Variants in SLC9A1 observed in about 807,000 individuals in gnomAD.
SLC9A1 encodes sodium/hydrogen exchanger 1.
SLC9A1 carries 22 observed loss-of-function variants against 67.9 expected under a neutral mutation model. The observed-to-expected ratio is 0.32, with a 90% CI of 0.23 to 0.46. SLC9A1 has a LOEUF of 0.46. Among genes scored for constraint, SLC9A1 ranks in the 20% least tolerant of loss-of-function variants. The pLI, the probability that SLC9A1 is intolerant of heterozygous loss-of-function variation, is 1.00. For synonymous variants in SLC9A1, 421 were observed against 471.8 expected (o/e 0.89, Z 1.40); for missense variants, 686 against 1,094.8 (o/e 0.63, Z 5.27).
At chr1:27,153,904 C>G in intron 1 of SLC9A1, 79 bp downstream of exon 1, 1 of 934,680 alleles carries the variant, frequency 1.1e-6, no homozygotes, top group Non-Finnish European at 1.6e-6. Context: ...TACTCCTGGA[C>G]AGCCTCAAAT....
At chr1:27,130,761 G>T (rs1279860420) in intron 1 of SLC9A1, among the ~76,000 whole-genome samples, 1 of 152,160 alleles carries the variant, frequency 6.6e-6, no homozygotes, top group Non-Finnish European at 1.5e-5. Flanking sequence ...ATGACACACA[G>T]CCAGGAAACA....
intron 1 of SLC9A1, among the ~76,000 whole-genome samples, chr1:27,117,901 G>A (rs563719498): frequency 7.9e-5 from 12 of 152,210 alleles, no homozygotes; most frequent in Admixed American, 4.6e-4. Flanking sequence ...GAACATTGAG[G>A]TGACTCAGAC....
At chr1:27,119,896 T>A (rs2124165617) in intron 1 of SLC9A1, among the ~76,000 whole-genome samples, 1 of 152,264 alleles carries the variant, frequency 6.6e-6, no homozygotes, top group South Asian at 2.1e-4. Flanking sequence ...CCAGGAAGTC[T>A]CCCACTGCTT....
At chr1:27,129,254 C>T (rs1250573987) in intron 1 of SLC9A1, among the ~76,000 whole-genome samples, 1 of 152,178 alleles carries the variant, frequency 6.6e-6, no homozygotes, top group Non-Finnish European at 1.5e-5. Context: ...GTCTCCCATA[C>T]ACTTCTGATA....
intron 1 of SLC9A1, among the ~76,000 whole-genome samples, chr1:27,115,498 G>T (rs2083258399): frequency 1.3e-5 from 2 of 152,142 alleles, no homozygotes; most frequent in Admixed American, 6.5e-5. Context: ...AGCCAAGAGG[G>T]TTTGTCCCTT....
intron 1 of SLC9A1, among the ~76,000 whole-genome samples, chr1:27,124,032 G>C (rs146182496): frequency 2.6e-5 from 4 of 152,134 alleles, no homozygotes; most frequent in Admixed American, 6.5e-5. Flanking sequence ...TCCTTTCCCA[G>C]TGTCCCGGAT....
rs149058308 is a variant in SLC9A1, at chr1:27,111,271, C to T, written c.814-1494G>A. Among the ~76,000 whole-genome samples the T allele has an allele frequency of 1.5e-3, 221 of 152,172 alleles. 1 individual carries two copies. The highest frequency in any genetic ancestry group is 4.8e-3 in the African/African-American group (201 of 41,498). ...GGTCTACCACATGGGCCCATGGAGTCGGCACAGAGGGGAAAGTCCTCCTTT... is the reference window on the plus strand; with the variant it reads ...GGTCTACCACATGGGCCCATGGAGTTGGCACAGAGGGGAAAGTCCTCCTTT... On this transcript the variant is annotated intron_variant, in intron 2 of 11. Coordinates refer to ENST00000263980, the MANE Select transcript of SLC9A1 (RefSeq NM_003047.5).
chr1:27,107,656 C>A lies in SLC9A1; in HGVS notation c.1274G>T (p.Arg425Leu). ...CCAGCCCTGGCCCTCACCCAGCACG[C>A]GGGCGATGAGGCAGAAGAGCAGGGT... Reference protein sequence around the residue: ...ISTLLFCLIARVLGVLGLTWF... With the variant: ...ISTLLFCLIALVLGVLGLTWF... Residue 425 changes from arginine (R) to leucine (L), a missense_variant, in exon 4 of 12, where the codon CGC becomes CTC. Around this residue, in one of 7 missense-constraint regions of SLC9A1, gnomAD observed 168 missense variants for 375.4 expected, o/e 0.45. Coordinates refer to ENST00000263980, the MANE Select transcript of SLC9A1 (RefSeq NM_003047.5). The A allele has an allele frequency of 6.4e-7, 1 of 1,552,682 alleles. No individual in the cohort carries two copies. Among genetic ancestry groups the A allele is most frequent in the Non-Finnish European group, 8.7e-7 (1 of 1,148,214 alleles).
chr1:27,150,318 C>G (rs779361530), intron 1 of SLC9A1, among the ~76,000 whole-genome samples: 5 of 152,164 alleles, frequency 3.3e-5, no homozygotes, highest in Non-Finnish European at 2.9e-5. Flanking sequence ...ACAAAAGAAG[C>G]CTTTTGTGTC....
At chr1:27,105,668 T>G (rs1198185699) in intron 5 of SLC9A1, 1 of 709,336 alleles carries the variant, frequency 1.4e-6, no homozygotes, top group East Asian at 2.7e-5. Flanking sequence ...CTTTACATTC[T>G]GATCAGTCAC....
intron 1 of SLC9A1, among the ~76,000 whole-genome samples, chr1:27,153,607 G>A (rs545080640): frequency 6.6e-6 from 1 of 152,314 alleles, no homozygotes; most frequent in African/African-American, 2.4e-5. Context: ...AGAGCAGAAT[G>A]TGCCACTCGC....
intron 1 of SLC9A1, among the ~76,000 whole-genome samples, chr1:27,141,117 G>A (rs1483526308): frequency 6.6e-6 from 1 of 152,194 alleles, no homozygotes; most frequent in Admixed American, 6.5e-5. Context: ...CAGGAGAATC[G>A]CTTGAAGCAG....
At position 27,109,641 on chromosome 1, in the gene SLC9A1, G is replaced by C; in HGVS notation, c.950C>G (p.Ala317Gly). 1.2e-6 allele frequency: 2 copies of C among 1,613,894 alleles called. No individual in the cohort carries two copies. The highest frequency in any genetic ancestry group is 1.1e-5 in the South Asian group (1 of 91,078). ...GTGGGAGGTAAATCGGGAGGTGAAG[G>C]CTGCGATGACCCCGTAGACCACGCC... is the stretch of plus-strand genomic sequence containing the variant. ...LVGVVYGVIA[A>G]FTSRFTSHIR... is the part of the protein sequence containing the mutation. Residue 317 changes from alanine (A) to glycine (G), a missense_variant, in exon 3 of 12, where the codon GCC (alanine) becomes GGC (glycine). This residue lies in a region of SLC9A1 where 58 missense variants were observed against 68.9 expected (regional missense o/e 0.84). Coordinates refer to ENST00000263980, the MANE Select transcript of SLC9A1 (RefSeq NM_003047.5). This position sits in a 1 kb window ranked among gnomAD's most constrained non-coding sequence, Gnocchi z 5.5.
intron 6 of SLC9A1, 193 bp from the exon 7 acceptor site, chr1:27,102,936 C>G: frequency 1.6e-6 from 1 of 629,580 alleles, no homozygotes; most frequent in Non-Finnish European, 2.8e-6. Flanking sequence ...ATCTCGAAGC[C>G]TTGCCTGTGT....
At chr1:27,143,797 C>T (rs768014063) in intron 1 of SLC9A1, among the ~76,000 whole-genome samples, 1 of 152,192 alleles carries the variant, frequency 6.6e-6, no homozygotes, top group Non-Finnish European at 1.5e-5. Flanking sequence ...GCCTAGAGCT[C>T]GTTTCCTTTA....
Position 27,100,219 on chromosome 1 carries a change from G to C in SLC9A1, c.*88C>G. 9.8e-7 allele frequency: 1 copy of C among 1,020,200 alleles called. No homozygotes were observed. The highest frequency in any genetic ancestry group is 1.8e-5 in the South Asian group (1 of 55,986). The allele number at this position is 1,020,200 out of a possible 1,614,324, so 63.2% of individuals were successfully genotyped here. On this transcript the variant is annotated 3_prime_UTR_variant, in exon 12 of 12. Transcript: ENST00000263980. This position sits in a 1 kb window ranked among gnomAD's most constrained non-coding sequence, Gnocchi z 5.6. ...TAGGGGGAGGGGCAGGGCCAATCCGGGTCAGGAAGGGCAAGGGGAGCCCCC... is the reference window on the plus strand; with the variant it reads ...TAGGGGGAGGGGCAGGGCCAATCCGCGTCAGGAAGGGCAAGGGGAGCCCCC...
chr1:27,105,628 TC>T, intron 5 of SLC9A1: 1 of 680,182 alleles, frequency 1.5e-6, no homozygotes, highest in Non-Finnish European at 2.7e-6. Context: ...CTCTATGAGT[TC>T]CAAATTAAGT....
In SLC9A1 at chr1:27,101,297, G is replaced by T. The variant is rs1368580090; in HGVS notation, c.2038-22C>A. 1.9e-6 allele frequency: 3 copies of T among 1,602,600 alleles called. No homozygotes were observed. The highest frequency in any genetic ancestry group is 1.3e-5 in the African/African-American group (1 of 74,724). On this transcript the variant is annotated intron_variant, in intron 10 of 11. Transcript: ENST00000263980. This position sits in a 1 kb window ranked among gnomAD's most constrained non-coding sequence, Gnocchi z 4.9. ...TGATCTGACAGAGAGGACAGACGGG[G>T]TGAGCACAGGCAGCTGGGCAGAGGG...
intron 1 of SLC9A1, among the ~76,000 whole-genome samples, chr1:27,115,535 C>T (rs1028997451): frequency 1.3e-5 from 2 of 152,080 alleles, no homozygotes; most frequent in African/African-American, 2.4e-5. Flanking sequence ...TCTCTCTGGC[C>T]TGGCATGGTG....
Sources: gnomAD v4.1 joint callset for allele counts (sites outside exome capture counted in the v4.1 genomes callset) on GRCh38, gnomAD v4.1.1 for gene constraint, gnomAD v4.1.1 regional missense constraint, Gnocchi (gnomAD v3.1) non-coding constraint, MANE v1.5 for transcripts, NCBI Gene and HGNC (gene_info 2026-07-23, HGNC 2026-07-21) for gene names.